The following BCAS3 variants were observed in gnomAD, a reference collection of about 807,000 sequenced individuals.
The protein encoded by BCAS3 is BCAS3 microtubule associated cell migration factor.
A neutral mutation model predicts 116.1 loss-of-function variants in BCAS3; 53 were observed. The observed-to-expected ratio is 0.46, with a 90% confidence interval of 0.37 to 0.57. The LOEUF is 0.57. Among genes scored for constraint, BCAS3 ranks in the 20% least tolerant of loss-of-function variants. BCAS3 has a pLI of 0.00. For missense variants in BCAS3, 917 were observed against 1,165.4 expected, an observed-to-expected ratio of 0.79 and a Z score of 3.10; for synonymous variants, 391 against 408.2, an observed-to-expected ratio of 0.96 and a Z score of 0.51.
intron 7 of BCAS3, among the ~76,000 whole-genome samples, chr17:60,825,133 T>C (rs2144696830): frequency 6.6e-6 from 1 of 150,554 alleles, no homozygotes; most frequent in South Asian, 2.1e-4. Flanking sequence ...GCCACTGCAC[T>C]GCAGCCTGGA....
chr17:60,783,290 G>GA lies in BCAS3; in HGVS notation c.404-24712dup, dbSNP rs546927270. Among the ~76,000 whole-genome samples the GA allele has an allele frequency of 2.2e-4, 33 of 152,276 alleles. No homozygotes were observed. In the East Asian group the frequency reaches 6.4e-3, roughly 29 times the overall value. ...TGCAATCATAGCTCACTGCAGCCTT[G>GA]AACTCCCTGGCTCAAGCGATCCTCC... On this transcript the variant is annotated intron_variant, in intron 6 of 23. Transcript: ENST00000407086.
intron 8 of BCAS3, among the ~76,000 whole-genome samples, chr17:60,870,072 T>C (rs2054966463): frequency 6.6e-6 from 1 of 152,232 alleles, no homozygotes; most frequent in African/African-American, 2.4e-5. Context: ...GCTTAGGTAC[T>C]TTATTTAAAG....
chr17:61,372,974 G>A (rs1050887497), intron 23 of BCAS3, among the ~76,000 whole-genome samples: 7 of 151,946 alleles, frequency 4.6e-5, no homozygotes, highest in African/African-American at 1.2e-4. Flanking sequence ...TTTCTCTTTC[G>A]ACTTTAACTC....
rs1311553382 is a variant in BCAS3 at position 61,140,356 on chromosome 17, G to T, written c.2425+55792G>T. On this transcript the variant is annotated intron_variant, in intron 22 of 23. Transcript: ENST00000407086. The surrounding 1 kb of genome is among the most constrained non-coding windows in gnomAD (Gnocchi z 4.2). ...AGGGATAGCTGTGGAAGATCCAACT[G>T]TCAAGGAAGGTTAGGACCAGACTCT... 6.6e-6 allele frequency among the ~76,000 whole-genome samples: 1 copy of T among 152,228 alleles called. No individual in the cohort carries two copies. Among genetic ancestry groups the T allele is most frequent in the Non-Finnish European group, 1.5e-5 (1 of 68,042 alleles).
chr17:61,269,675 T>TGATTCTG (rs1476022996), intron 22 of BCAS3, among the ~76,000 whole-genome samples: 3 of 152,214 alleles, frequency 2.0e-5, no homozygotes, highest in Non-Finnish European at 4.4e-5. Flanking sequence ...TCTACCATTG[T>TGATTCTG]GATTCTGATT....
In BCAS3 at chr17:61,377,481, G is replaced by T. The variant is rs573991650; in HGVS notation, c.2593+8987G>T. 6.6e-6 allele frequency among the ~76,000 whole-genome samples: 1 copy of T among 152,346 alleles called. No homozygotes were observed. Among genetic ancestry groups the T allele is most frequent in the African/African-American group, 2.4e-5 (1 of 41,586 alleles). On this transcript the variant is annotated intron_variant, in intron 23 of 23. Coordinates refer to ENST00000407086, the MANE Select transcript of BCAS3 (RefSeq NM_017679.5). This position sits in a 1 kb window ranked among gnomAD's most constrained non-coding sequence, Gnocchi z 4.6. Reference sequence around the variant, plus strand: ...TTCCCAGCACCAAGCTCCCGCTATTGGGAAGAATGTGGTGTTTTTTTCCCC... The same window carrying T: ...TTCCCAGCACCAAGCTCCCGCTATTTGGAAGAATGTGGTGTTTTTTTCCCC...
chr17:61,234,820 G>C (rs543373140), intron 22 of BCAS3, among the ~76,000 whole-genome samples: 2 of 148,212 alleles, frequency 1.3e-5, no homozygotes, highest in Non-Finnish European at 3.0e-5. Flanking sequence ...GTACTGCTTC[G>C]CATTTTCTCT....
chr17:61,168,678 G>A (rs767541581), intron 22 of BCAS3, among the ~76,000 whole-genome samples: 7 of 152,210 alleles, frequency 4.6e-5, no homozygotes, highest in Non-Finnish European at 2.9e-5. Context: ...AAATGTGGGA[G>A]AAGGAGCAGG....
intron 4 of BCAS3, among the ~76,000 whole-genome samples, chr17:60,690,190 C>G (rs566371620): frequency 2.6e-5 from 4 of 152,176 alleles, no homozygotes; most frequent in African/African-American, 9.6e-5. Context: ...CAGTATTTGC[C>G]TTTTTGTAAC....
At position 61,356,245 on chromosome 17, in the gene BCAS3, C is replaced by T. The variant is rs1333016919; in HGVS notation, c.2426-12082C>T. ...CTGACCTCAGGTGATCCACACGCCT[C>T]GGCCTCCCAAAGTGCTGGGATTACA... is the stretch of plus-strand genomic sequence containing the variant. On this transcript the variant is annotated intron_variant, in intron 22 of 23. Coordinates refer to ENST00000407086, the MANE Select transcript of BCAS3 (RefSeq NM_017679.5). The surrounding 1 kb of genome is among the most constrained non-coding windows in gnomAD (Gnocchi z 5.4). Among the ~76,000 whole-genome samples, 2 of 152,314 alleles carry T rather than the reference C, an allele frequency of 1.3e-5. No homozygotes were observed. Among genetic ancestry groups the T allele is most frequent in the Non-Finnish European group, 2.9e-5 (2 of 68,024 alleles).
At position 61,206,460 on chromosome 17, in the gene BCAS3, T is replaced by C. The variant is rs969152694; in HGVS notation, c.2425+121896T>C. Reference sequence around the variant, plus strand: ...AAATGTTGGTAGTTCCTTTGGGTACTATGAGTGACTATAATATTAACTAAA... The same window carrying C: ...AAATGTTGGTAGTTCCTTTGGGTACCATGAGTGACTATAATATTAACTAAA... On this transcript the variant is annotated intron_variant, in intron 22 of 23. Coordinates refer to ENST00000407086, the MANE Select transcript of BCAS3 (RefSeq NM_017679.5). Among the ~76,000 whole-genome samples the C allele has an allele frequency of 3.9e-5, 6 of 152,274 alleles. 1 individual carries two copies. In the East Asian group the frequency reaches 7.7e-4, roughly 20 times the overall value.
rs1338204153 is a variant in BCAS3, at chr17:60,999,238, G to A, written c.1486+9003G>A. Among the ~76,000 whole-genome samples, 3 of 152,108 alleles carry A rather than the reference G, an allele frequency of 2.0e-5. No individual in the cohort carries two copies. The East Asian group carries it at 5.8e-4, about 29-fold the overall frequency. ...TTTGTTACCATAGCCTTGTAGTACA[G>A]TTTGAAATGTGATGTCTCAGGTCAG... On this transcript the variant is annotated intron_variant, in intron 15 of 23. Transcript: ENST00000407086.
At chr17:60,801,936 TTG>T (rs1478540580) in intron 6 of BCAS3, among the ~76,000 whole-genome samples, 1 of 152,166 alleles carries the variant, frequency 6.6e-6, no homozygotes, top group Admixed American at 6.6e-5. Flanking sequence ...TTTCAATTTC[TTG>T]TGTGTAAAAA....
chr17:61,253,891 C>T (rs535136666), intron 22 of BCAS3, among the ~76,000 whole-genome samples: 1 of 152,198 alleles, frequency 6.6e-6, no homozygotes, highest in African/African-American at 2.4e-5. Context: ...GAAAAAGTGA[C>T]TTGCCTTATG....
In BCAS3 at chr17:60,956,093, A is replaced by C. The variant is rs2061119354; in HGVS notation, c.1221+8741A>C. Among the ~76,000 whole-genome samples, 1 of 152,174 alleles carries C rather than the reference A, an allele frequency of 6.6e-6. No individual in the cohort carries two copies. The highest frequency in any genetic ancestry group is 2.4e-5 in the African/African-American group (1 of 41,454). The stretch of plus-strand genomic sequence containing the variant: ...CCATTCTGCATTGAACTTTCAATTC[A>C]TTCCTTTATTTACCTATCATTTTGG... On this transcript the variant is annotated intron_variant, in intron 14 of 23. Transcript: ENST00000407086. This position sits in a 1 kb window ranked among gnomAD's most constrained non-coding sequence, Gnocchi z 4.2.
chr17:61,031,931 A>T (rs573599153), intron 16 of BCAS3, among the ~76,000 whole-genome samples: 12 of 152,238 alleles, frequency 7.9e-5, no homozygotes, highest in Non-Finnish European at 8.8e-5. Context: ...CACCGTGTTG[A>T]TGCTTTTTAC....
chr17:61,170,807 A>G (rs1259042892), intron 22 of BCAS3, among the ~76,000 whole-genome samples: 1 of 152,156 alleles, frequency 6.6e-6, no homozygotes, highest in African/African-American at 2.4e-5. Context: ...TAGAACTCAC[A>G]GGGCAGAGTC....
chr17:61,168,345 C>T (rs1364798870), intron 22 of BCAS3, among the ~76,000 whole-genome samples: 4 of 152,114 alleles, frequency 2.6e-5, no homozygotes, highest in Non-Finnish European at 4.4e-5. Context: ...TTTCTCCCTT[C>T]TCCTATATTT....
rs1464935091 is a variant in BCAS3 at position 61,214,480 on chromosome 17, G to C, written c.2425+129916G>C. 4.6e-5 allele frequency among the ~76,000 whole-genome samples: 7 copies of C among 151,960 alleles called. No homozygotes were observed. In the South Asian group the frequency reaches 1.5e-3, roughly 32 times the overall value. On this transcript the variant is annotated intron_variant, in intron 22 of 23. Coordinates refer to ENST00000407086, the MANE Select transcript of BCAS3 (RefSeq NM_017679.5). This position sits in a 1 kb window ranked among gnomAD's most constrained non-coding sequence, Gnocchi z 4.4. The stretch of plus-strand genomic sequence containing the variant: ...CAGGTGGATCACAAGGTCAGGAGAT[G>C]GAGATCATCCTGGCTAACATGGTGA...
Sources: gnomAD v4.1 joint callset for allele counts (sites outside exome capture counted in the v4.1 genomes callset) on GRCh38, gnomAD v4.1.1 for gene constraint, Gnocchi (gnomAD v3.1) non-coding constraint, MANE v1.5 for transcripts, NCBI Gene and HGNC (gene_info 2026-07-23, HGNC 2026-07-21) for gene names.